The following NCBP3 variants were observed in gnomAD, a reference collection of about 807,000 sequenced individuals.
NCBP3 encodes nuclear cap binding subunit 3, also known as nuclear cap-binding protein subunit 3.
A neutral mutation model predicts 75.7 loss-of-function variants in NCBP3; 20 were observed. The observed-to-expected ratio is 0.26, with a 90% CI of 0.19 to 0.38. The LOEUF (loss-of-function observed/expected upper bound fraction) is 0.38, where lower values mean the gene tolerates loss of function less well. NCBP3 is among the 10% of genes least tolerant of loss of function. The pLI is 1.00. For missense variants in NCBP3, 678 were observed against 796.9 expected (o/e 0.85, Z 1.80); for synonymous variants, 293 against 290.5 (o/e 1.01, Z -0.09).
At chr17:3,834,041 G>T (rs188991169) in intron 3 of NCBP3, among the ~76,000 whole-genome samples, 3 of 152,164 alleles carry the variant, frequency 2.0e-5, no homozygotes, top group Middle Eastern at 3.4e-3. Flanking sequence ...AACCTTATCC[G>T]CATTTAGGCC....
rs2053482266 is a variant in NCBP3, at chr17:3,814,243, A to G, written c.1627+79T>C. The G allele has an allele frequency of 6.1e-6, 9 of 1,463,416 alleles. No individual in the cohort carries two copies. The South Asian group carries it at 1.1e-4, about 18-fold the overall frequency. The allele number at this position is 1,463,416 out of a possible 1,614,324, so 90.7% of individuals were successfully genotyped here. A position where few individuals can be genotyped will look rare whatever the true frequency, so the allele number is the denominator to read the frequency against. ...GTGGGCTGTTTCTTGCCTTCTGCTA[A>G]GAAAGTATTTCTCCAATACACCCAC... On this transcript the variant is annotated intron_variant, in intron 12 of 12. Transcript: ENST00000389005.
Position 3,828,068 on chromosome 17 carries a change from A to G in NCBP3, c.481+1175T>C, listed in dbSNP as rs186486674. 2.6e-5 allele frequency among the ~76,000 whole-genome samples: 4 copies of G among 152,250 alleles called. No homozygotes were observed. In the East Asian group the frequency reaches 7.7e-4, roughly 29 times the overall value. ...TGAATAGCTGGGATTACAGGTGTGC[A>G]TCGCCACATGAGGCTAATTTTTGTA... On this transcript the variant is annotated intron_variant, in intron 4 of 12. Coordinates refer to ENST00000389005, the MANE Select transcript of NCBP3 (RefSeq NM_001114118.3).
Position 3,832,355 on chromosome 17 carries a change from C to CT in NCBP3, c.356-2988_356-2987insA, listed in dbSNP as rs1183362102. On this transcript the variant is annotated intron_variant, in intron 3 of 12. Transcript: ENST00000389005. ...ATAATGTAAAAAAGAATTTAATGGG[C>CT]AGGCGCGGTGGCTCACGCCTGTAAT... 2.5e-5 allele frequency among the ~76,000 whole-genome samples: 3 copies of CT among 119,584 alleles called. 1 individual carries two copies. Among genetic ancestry groups the CT allele is most frequent in the East Asian group, 3.4e-4 (1 of 2,954 alleles). 78.5% of individuals were successfully genotyped at this position (119,584 alleles called of 152,430 possible). A position where few individuals can be genotyped will look rare whatever the true frequency, so the allele number is the denominator to read the frequency against.
intron 3 of NCBP3, among the ~76,000 whole-genome samples, chr17:3,829,748 T>C (rs1357917885): frequency 6.6e-6 from 1 of 152,168 alleles, no homozygotes; most frequent in East Asian, 1.9e-4. Flanking sequence ...AAACGCGCAG[T>C]AGTGGAGACA....
intron 4 of NCBP3, 142 bp from the exon 5 acceptor site, chr17:3,826,357 G>A: frequency 1.2e-6 from 1 of 826,308 alleles, no homozygotes; most frequent in South Asian, 2.1e-5. Flanking sequence ...CTAATGAAGA[G>A]AAATATAGAC....
chr17:3,841,602 C>CTT (rs373561293), intron 2 of NCBP3, among the ~76,000 whole-genome samples: 536 of 117,862 alleles, frequency 4.5e-3, no homozygotes, highest in Non-Finnish European at 6.9e-3. Flanking sequence ...AATTCTCTCT[C>CTT]TTTTTTTTTT....
rs2054158013 is a variant in NCBP3 at position 3,846,021 on chromosome 17, C to T, written c.183+20G>A. On this transcript the variant is annotated intron_variant, in intron 1 of 12. Transcript: ENST00000389005. This position sits in a 1 kb window ranked among gnomAD's most constrained non-coding sequence, Gnocchi z 4.6. ...ACTAGCCCCGCGACCTCTTCCTTACCCCCCGACCCCCGCCCGTACCGGGAT... is the reference window on the plus strand; with the variant it reads ...ACTAGCCCCGCGACCTCTTCCTTACTCCCCGACCCCCGCCCGTACCGGGAT... 1.9e-6 allele frequency: 3 copies of T among 1,544,792 alleles called. 1 individual carries two copies. The South Asian group carries it at 3.6e-5, about 18-fold the overall frequency.
In NCBP3 at chr17:3,810,480, G is replaced by T. The variant is rs562695081; in HGVS notation, c.*2564C>A. On this transcript the variant is annotated 3_prime_UTR_variant, in exon 13 of 13. Transcript: ENST00000389005. The stretch of plus-strand genomic sequence containing the variant: ...CATAAGACTAAGAGGAACACACAAA[G>T]TGTGCAGCCCTGTGCCCACATGTGT... 2 of 152,222 alleles carry T rather than the reference G, an allele frequency of 1.3e-5. No homozygotes were observed. The highest frequency in any genetic ancestry group is 1.5e-5 in the Non-Finnish European group (1 of 68,042). 9.4% of individuals were successfully genotyped at this position (152,222 alleles called of 1,614,324 possible).
At position 3,806,708 on chromosome 17, in the gene NCBP3, G is replaced by A. The variant is rs1424034731; in HGVS notation, c.*6336C>T. 7.7e-6 allele frequency: 1 copy of A among 129,244 alleles called. No individual in the cohort carries two copies. The highest frequency in any genetic ancestry group is 3.1e-5 in the African/African-American group (1 of 32,678). 8.0% of individuals were successfully genotyped at this position (129,244 alleles called of 1,614,324 possible). On this transcript the variant is annotated 3_prime_UTR_variant, in exon 13 of 13. Coordinates refer to ENST00000389005, the MANE Select transcript of NCBP3 (RefSeq NM_001114118.3). ...AACAAAGTTCTGTGAAATGTTCATA[G>A]AGCTTCATTGAAAAAAAAAAAAAAA...
chr17:3,844,983 A>G (rs1289073746), intron 1 of NCBP3, among the ~76,000 whole-genome samples: 1 of 152,222 alleles, frequency 6.6e-6, no homozygotes, highest in Non-Finnish European at 1.5e-5. Context: ...TAAAGGGATG[A>G]TAACACCTGC....
rs1204416363 is a variant in NCBP3 at position 3,832,232 on chromosome 17, C to T, written c.356-2864G>A. Among the ~76,000 whole-genome samples the T allele has an allele frequency of 8.6e-5, 10 of 116,496 alleles. 2 individuals carry two copies. Among genetic ancestry groups the T allele is most frequent in the South Asian group, 6.4e-4 (2 of 3,104 alleles). 76.4% of individuals were successfully genotyped at this position (116,496 alleles called of 152,430 possible). A position where few individuals can be genotyped will look rare whatever the true frequency, so the allele number is the denominator to read the frequency against. On this transcript the variant is annotated intron_variant, in intron 3 of 12. Coordinates refer to ENST00000389005, the MANE Select transcript of NCBP3 (RefSeq NM_001114118.3). ...GATGGATACCCCATTCTCCATGATG[C>T]GCTTATTTCATGTCACATGCCTGTA...
intron 9 of NCBP3, among the ~76,000 whole-genome samples, chr17:3,820,661 G>A (rs1035010785): frequency 1.1e-4 from 16 of 152,160 alleles, no homozygotes; most frequent in African/African-American, 2.2e-4. Flanking sequence ...GGCTAGGCGC[G>A]GTAGCTCACA....
At position 3,846,224 on chromosome 17, in the gene NCBP3, C is replaced by T. The variant is rs1220545745; in HGVS notation, c.-1G>A. ...CCCGCAGGCCCCGTACGGCCGCCAT[C>T]GCTGCCTGCCGGCCGCACCACTGAG... On this transcript the variant is annotated 5_prime_UTR_variant, in exon 1 of 13. Transcript: ENST00000389005. The surrounding 1 kb of genome is among the most constrained non-coding windows in gnomAD (Gnocchi z 4.6). 1 of 1,425,738 alleles carries T rather than the reference C, an allele frequency of 7.0e-7. No homozygotes were observed. Among genetic ancestry groups the T allele is most frequent in the Non-Finnish European group, 9.1e-7 (1 of 1,097,142 alleles). 88.3% of individuals were successfully genotyped at this position (1,425,738 alleles called of 1,614,324 possible).
At chr17:3,839,684 T>C (rs913973465) in intron 3 of NCBP3, among the ~76,000 whole-genome samples, 6 of 152,174 alleles carry the variant, frequency 3.9e-5, no homozygotes, top group Non-Finnish European at 8.8e-5. Context: ...GTTAATGGCT[T>C]TTCCCCACCA....
Position 3,813,244 on chromosome 17 carries a change from T to C in NCBP3, c.1663A>G (p.Thr555Ala). The C allele has an allele frequency of 6.2e-7, 1 of 1,614,234 alleles. No individual in the cohort carries two copies. Among genetic ancestry groups the C allele is most frequent in the Admixed American group, 1.7e-5 (1 of 60,036 alleles). ...LWTRLGSAPK[T>A]KEKNTKKVDH... ...ACTTTCTTCGTATTCTTTTCTTTGG[T>C]CTTGGGTGCAGATCCTAGGCGAGTC... Residue 555 changes from threonine (T) to alanine (A), a missense_variant, in exon 13 of 13, where the codon ACC (threonine) becomes GCC (alanine). Transcript: ENST00000389005.
At position 3,846,113 on chromosome 17, in the gene NCBP3, C is replaced by A. The variant is rs1260669247; in HGVS notation, c.111G>T (p.Pro37=). The change falls in exon 1 of 13, where the codon CCG becomes CCT. Residue 37 remains proline (P), a synonymous_variant. Transcript: ENST00000389005. The surrounding 1 kb of genome is among the most constrained non-coding windows in gnomAD (Gnocchi z 4.6). Reference sequence around the variant, plus strand: ...CGCCCTCCTCCACCTCCATGGGCTCCGGCTCGCCACGGTCAACACCGGACT... The same window carrying A: ...CGCCCTCCTCCACCTCCATGGGCTCAGGCTCGCCACGGTCAACACCGGACT... The part of the protein sequence containing the change: ...EAESGVDRGE[P]EPMEVEEGEL... The A allele has an allele frequency of 6.5e-7, 1 of 1,548,292 alleles. No homozygotes were observed. Among genetic ancestry groups the A allele is most frequent in the Non-Finnish European group, 8.7e-7 (1 of 1,145,676 alleles).
At chr17:3,833,816 T>C (rs2041323) in intron 3 of NCBP3, among the ~76,000 whole-genome samples, 1,590 of 152,310 alleles carry the variant, frequency 0.01, 58 homozygotes, top group Admixed American at 0.074. Flanking sequence ...TTGTTTTCTA[T>C]GCTAGTCTCA....
At chr17:3,831,299 C>T (rs139406077) in intron 3 of NCBP3, among the ~76,000 whole-genome samples, 13 of 151,870 alleles carry the variant, frequency 8.6e-5, no homozygotes, top group African/African-American at 2.4e-4. Context: ...TAAGGTCGGG[C>T]GCGGTCGCTC....
intron 7 of NCBP3, 122 bp downstream of exon 7, chr17:3,824,820 A>G: frequency 1.9e-6 from 1 of 533,982 alleles, no homozygotes; most frequent in Non-Finnish European, 3.2e-6. Context: ...AGCGCAGAAT[A>G]TTATAGTTTG....
Sources: allele counts gnomAD v4.1 joint callset (sites outside exome capture counted in the v4.1 genomes callset), GRCh38; gene constraint gnomAD v4.1.1; non-coding constraint Gnocchi (gnomAD v3.1); transcripts MANE v1.5; gene names NCBI Gene and HGNC (gene_info 2026-07-23, HGNC 2026-07-21).